Variants in NOTCH4 observed in about 807,000 individuals in gnomAD.
The protein encoded by NOTCH4 is notch receptor 4, also known as neurogenic locus notch homolog protein 4.
In NOTCH4, 138 loss-of-function variants were observed where a neutral mutation model predicts 189.0. The observed-to-expected ratio is 0.73, with a 90% CI of 0.64 to 0.84. The LOEUF (loss-of-function observed/expected upper bound fraction) is 0.84. NOTCH4 is among the 40% of genes least tolerant of loss of function. NOTCH4 has a pLI of 0.00. For synonymous variants in NOTCH4, 942 were observed against 1,032.8 expected, an observed-to-expected ratio of 0.91 and a Z score of 1.69; for missense variants, 2,286 against 2,605.4, an observed-to-expected ratio of 0.88 and a Z score of 2.67.
Position 32,223,952 on chromosome 6 carries a change from CG to C in NOTCH4, c.-25del. Reference sequence around the variant, plus strand: ...ATTCCACAGCCCCTTCTCCAAGCCCCGGTCCCTGTCCCTCTTCAGGCAGGGA... The same window carrying C: ...ATTCCACAGCCCCTTCTCCAAGCCCCGTCCCTGTCCCTCTTCAGGCAGGGA... On this transcript the variant is annotated 5_prime_UTR_variant, in exon 1 of 30. Transcript: ENST00000375023. 1 of 1,586,644 alleles carries C rather than the reference CG, an allele frequency of 6.3e-7. No individual in the cohort carries two copies. Among genetic ancestry groups the C allele is most frequent in the East Asian group, 2.3e-5 (1 of 43,730 alleles).
rs1182669613 is a variant in NOTCH4, at chr6:32,201,066, G to T, written c.4139+51C>A. 2.5e-6 allele frequency: 4 copies of T among 1,571,240 alleles called. No homozygotes were observed. Among genetic ancestry groups the T allele is most frequent in the Non-Finnish European group, 3.5e-6 (4 of 1,159,322 alleles). ...GTCCCTGGCTCCCTTTCCTCCCTCT[G>T]CCCTCTTAAAAAAACTGGTGTCTGG... On this transcript the variant is annotated intron_variant, in intron 22 of 29. Coordinates refer to ENST00000375023, the MANE Select transcript of NOTCH4 (RefSeq NM_004557.4). The surrounding 1 kb of genome is among the most constrained non-coding windows in gnomAD (Gnocchi z 5.5).
intron 7 of NOTCH4, 21 bp from the exon 8 acceptor site, chr6:32,219,807 G>A: frequency 6.2e-7 from 1 of 1,600,720 alleles, no homozygotes; most frequent in East Asian, 2.2e-5. Context: ...AGAAGAGCTG[G>A]GAGTCCACAG....
Position 32,212,716 on chromosome 6 carries a change from C to A in NOTCH4, c.2527-89G>T. On this transcript the variant is annotated intron_variant, in intron 16 of 29. Coordinates refer to ENST00000375023, the MANE Select transcript of NOTCH4 (RefSeq NM_004557.4). This position sits in a 1 kb window ranked among gnomAD's most constrained non-coding sequence, Gnocchi z 4.4. ...TCTGCCCACTCCAGCTCCTCGAAAT[C>A]CCTTACTTCAAAAACCTTCTCCTGA... 6.6e-7 allele frequency: 1 copy of A among 1,507,848 alleles called. No individual in the cohort carries two copies. Among genetic ancestry groups the A allele is most frequent in the Non-Finnish European group, 8.9e-7 (1 of 1,119,026 alleles). The allele number at this position is 1,507,848 out of a possible 1,614,324, so 93.4% of individuals were successfully genotyped here. A position where few individuals can be genotyped will look rare whatever the true frequency, so the allele number is the denominator to read the frequency against.
intron 8 of NOTCH4, among the ~76,000 whole-genome samples, chr6:32,219,034 C>T (rs1789586875): frequency 6.6e-6 from 1 of 152,178 alleles, no homozygotes; most frequent in African/African-American, 2.4e-5. Flanking sequence ...TTTCTGATTT[C>T]ATTCAACTCC....
rs369443783 is a variant in NOTCH4, at chr6:32,202,332, C to T, written c.3499G>A (p.Gly1167Arg). 3.1e-6 allele frequency: 5 copies of T among 1,612,800 alleles called. No homozygotes were observed. Among genetic ancestry groups the T allele is most frequent in the Non-Finnish European group, 4.2e-6 (5 of 1,179,982 alleles). Residue 1167 changes from glycine (G) to arginine (R), a missense_variant, in exon 21 of 30, where the codon GGG becomes AGG. Around this residue, in one of 2 missense-constraint regions of NOTCH4, gnomAD observed 1,903 missense variants for 2,261.9 expected, o/e 0.84. Coordinates refer to ENST00000375023, the MANE Select transcript of NOTCH4 (RefSeq NM_004557.4). This position sits in a 1 kb window ranked among gnomAD's most constrained non-coding sequence, Gnocchi z 5.7. ...GCTCCGGGTTTCTGACACCGGGGCC[C>T]TGGAGAGCTGTGAGGGCAGGAGCAT... ...FRCSCPHSSP[G>R]PRCQKPGAKG...
rs1052270483 is a variant in NOTCH4, at chr6:32,202,012, A to C, written c.3755+64T>G. On this transcript the variant is annotated intron_variant, in intron 21 of 29. Transcript: ENST00000375023. This position sits in a 1 kb window ranked among gnomAD's most constrained non-coding sequence, Gnocchi z 5.7. ...GCCACACTGTAACTCAGAGCCATCT[A>C]CGTCCTTCCTCCTCCTCTCACCCAC... 2.0e-5 allele frequency: 28 copies of C among 1,388,752 alleles called. No individual in the cohort carries two copies. The African/African-American group carries it at 4.0e-4, about 20-fold the overall frequency. 86.0% of individuals were successfully genotyped at this position (1,388,752 alleles called of 1,614,324 possible). A position where few individuals can be genotyped will look rare whatever the true frequency, so the allele number is the denominator to read the frequency against.
At position 32,197,578 on chromosome 6, in the gene NOTCH4, CAG is replaced by C; in HGVS notation, c.4771_4772del (p.Leu1591AspfsTer23). On this transcript the variant is annotated frameshift_variant, in exon 27 of 30. Transcript: ENST00000375023. LOFTEE classifies it high-confidence loss of function. ...CTTCCCCACAGCAAACTGCTGACATCAGGGGTGTCACCCCATCTGTTGGTAAG... is the reference window on the plus strand; with the variant it reads ...CTTCCCCACAGCAAACTGCTGACATCGGGTGTCACCCCATCTGTTGGTAAG... ...DTRGPDGVTP[L>X]MSAVCCGEVQ... The C allele has an allele frequency of 6.2e-7, 1 of 1,611,364 alleles. No individual in the cohort carries two copies. The highest frequency in any genetic ancestry group is 8.5e-7 in the Non-Finnish European group (1 of 1,178,788).
Position 32,223,038 on chromosome 6 carries a change from C to T in NOTCH4, c.122G>A (p.Cys41Tyr), listed in dbSNP as rs376377009. The T allele has an allele frequency of 1.2e-6, 2 of 1,613,850 alleles. No homozygotes were observed. The highest frequency in any genetic ancestry group is 2.7e-5 in the African/African-American group (2 of 74,872). Residue 41 changes from cysteine (C) to tyrosine (Y), a missense_variant, in exon 2 of 30, where the codon TGC becomes TAC. This residue lies in a region of NOTCH4 where 1,903 missense variants were observed against 2,261.9 expected (regional missense o/e 0.84). Coordinates refer to ENST00000375023, the MANE Select transcript of NOTCH4 (RefSeq NM_004557.4). ...FPEPCANGGT[C>Y]LSLSLGQGTC... ...CCCTTGTCCCAGAGACAGGCTCAGG[C>T]AGGTGCCTCCATTGGCACAGGGTTC...
intron 12 of NOTCH4, among the ~76,000 whole-genome samples, chr6:32,214,601 C>T (rs1340698323): frequency 6.6e-6 from 1 of 151,170 alleles, no homozygotes; most frequent in Non-Finnish European, 1.5e-5. Context: ...GGGCCTGGAA[C>T]AGTAGCCACA....
intron 12 of NOTCH4, 72 bp downstream of exon 12, chr6:32,215,154 G>C: frequency 7.4e-7 from 1 of 1,343,372 alleles, no homozygotes; most frequent in Non-Finnish European, 1.0e-6. Flanking sequence ...ACATCTCACT[G>C]GCTGTCTTCT....
chr6:32,214,484 T>TATAGATATATATATATATATATATAC (rs28383875), intron 12 of NOTCH4, among the ~76,000 whole-genome samples: 1 of 141,176 alleles, frequency 7.1e-6, no homozygotes. Context: ...TATATATATA[T>TATAGATATATATATATATATATATAC]ACACACATAT....
At position 32,215,356 on chromosome 6, in the gene NOTCH4, G is replaced by C. The variant is rs771877016; in HGVS notation, c.1891C>G (p.Pro631Ala). The change falls in exon 12 of 30, where the codon CCC becomes GCC. Residue 631 changes from proline (P) to alanine (A), a missense_variant. Physicochemically the swap from Pro to Ala is conservative, Grantham distance 27. Around this residue, in one of 2 missense-constraint regions of NOTCH4, gnomAD observed 1,903 missense variants for 2,261.9 expected, o/e 0.84. Transcript: ENST00000375023. The stretch of plus-strand genomic sequence containing the variant: ...ATCTGCTTGGGCTGGCACAGGTTGG[G>C]AGCACACAGGGGAACCTCACAGAGC... Reference protein sequence around the residue: ...GQLCEVPLCAPNLCQPKQICK... With the variant: ...GQLCEVPLCAANLCQPKQICK... 43 of 1,611,046 alleles carry C rather than the reference G, an allele frequency of 2.7e-5. 2 individuals are homozygous for C. In the South Asian group the frequency reaches 4.6e-4, roughly 17 times the overall value.
At position 32,222,533 on chromosome 6, in the gene NOTCH4, G is replaced by A. The variant is rs1243077591; in HGVS notation, c.429C>T (p.Cys143=). ...CHIQASGRPQ[C]SCMPGWTGEQ... ...TACCTGTCCATCCAGGCATGCAGGAGCACTGTGGGCGGCCCGAGGCCTGGA... is the reference window on the plus strand; with the variant it reads ...TACCTGTCCATCCAGGCATGCAGGAACACTGTGGGCGGCCCGAGGCCTGGA... The change falls in exon 3 of 30, where the codon TGC becomes TGT. Residue 143 remains cysteine (C), a synonymous_variant. Coordinates refer to ENST00000375023, the MANE Select transcript of NOTCH4 (RefSeq NM_004557.4). 8 of 1,549,444 alleles carry A rather than the reference G, an allele frequency of 5.2e-6. No individual in the cohort carries two copies. The South Asian group carries it at 1.0e-4, about 20-fold the overall frequency.
chr6:32,197,528 G>T lies in NOTCH4; in HGVS notation c.4823C>A (p.Ala1608Glu). The change falls in exon 27 of 30, where the codon GCA (alanine) becomes GAA (glutamate). Residue 1608 changes from alanine (A) to glutamate (E), a missense_variant. By Grantham distance (107) the Ala-to-Glu change is moderately radical. Around this residue, in one of 2 missense-constraint regions of NOTCH4, gnomAD observed 1,903 missense variants for 2,261.9 expected, o/e 0.84. Transcript: ENST00000375023. Reference sequence around the variant, plus strand: ...CCAGGGCTCAGGACATCCCAACCATGCCCCTTGGAAGGTCCCGGACTGTAC... The same window carrying T: ...CCAGGGCTCAGGACATCCCAACCATTCCCCTTGGAAGGTCCCGGACTGTAC... ...GEVQSGTFQG[A>E]WLGCPEPWEP... is the part of the protein sequence containing the mutation. 1 of 1,612,120 alleles carries T rather than the reference G, an allele frequency of 6.2e-7. No homozygotes were observed. The highest frequency in any genetic ancestry group is 1.1e-5 in the South Asian group (1 of 90,812).
intron 5 of NOTCH4, 35 bp downstream of exon 5, chr6:32,220,721 C>T (rs775185758): frequency 6.2e-7 from 1 of 1,613,132 alleles, no homozygotes; most frequent in Non-Finnish European, 8.5e-7. Flanking sequence ...ACTCTCTGGG[C>T]CATGGGTGTC....
At chr6:32,208,240 G>A (rs973092020) in intron 18 of NOTCH4, among the ~76,000 whole-genome samples, 2 of 152,036 alleles carry the variant, frequency 1.3e-5, no homozygotes, top group East Asian at 1.9e-4. Flanking sequence ...TAATCAGAAC[G>A]TATAAGGAAC....
chr6:32,222,284 A>G (rs1189438542), intron 3 of NOTCH4, among the ~76,000 whole-genome samples: 1 of 152,256 alleles, frequency 6.6e-6, no homozygotes, highest in East Asian at 1.9e-4. Context: ...AAGGGGGCTC[A>G]TGGCACCCTT....
chr6:32,221,886 G>A lies in NOTCH4; in HGVS notation c.452-561C>T, dbSNP rs1789803116. Among the ~76,000 whole-genome samples the A allele has an allele frequency of 6.6e-6, 1 of 152,166 alleles. No individual in the cohort carries two copies. The highest frequency in any genetic ancestry group is 6.5e-5 in the Admixed American group (1 of 15,278). ...ATGAAGTGTGACCATTACTCTCCCTGTTTGTCAGCTGACAACTGAACACCA... is the reference window on the plus strand; with the variant it reads ...ATGAAGTGTGACCATTACTCTCCCTATTTGTCAGCTGACAACTGAACACCA... On this transcript the variant is annotated intron_variant, in intron 3 of 29. Transcript: ENST00000375023. The surrounding 1 kb of genome is among the most constrained non-coding windows in gnomAD (Gnocchi z 4.3).
rs1011849560 is a variant in NOTCH4 at position 32,200,930 on chromosome 6, C to G, written c.4216G>C (p.Gly1406Arg). 3.1e-6 allele frequency: 5 copies of G among 1,607,554 alleles called. No individual in the cohort carries two copies. In the African/African-American group the frequency reaches 6.7e-5, roughly 22 times the overall value. ...HPASRCPWDP[G>R]LLLRFLAAMA... Reference sequence around the variant, plus strand: ...GCAGCAAGGAAGCGGAGTAGAAGCCCAGGGTCCCAGGGACAGCGGGATGCC... The same window carrying G: ...GCAGCAAGGAAGCGGAGTAGAAGCCGAGGGTCCCAGGGACAGCGGGATGCC... The change falls in exon 23 of 30, where the codon GGG becomes CGG. Residue 1406 changes from glycine (G) to arginine (R), a missense_variant. Gly to Arg is a moderately radical substitution (Grantham distance 125, BLOSUM62 -2). Transcript: ENST00000375023. The surrounding 1 kb of genome is among the most constrained non-coding windows in gnomAD (Gnocchi z 5.0).
Sources: gnomAD v4.1 joint callset for allele counts (sites outside exome capture counted in the v4.1 genomes callset) on GRCh38, gnomAD v4.1.1 for gene constraint, gnomAD v4.1.1 regional missense constraint, Gnocchi (gnomAD v3.1) non-coding constraint, MANE v1.5 for transcripts, NCBI Gene and HGNC (gene_info 2026-07-23, HGNC 2026-07-21) for gene names.